SV2C: variants seen among roughly 807,000 people sequenced by gnomAD.
The protein encoded by SV2C is solute carrier family 22 member B3.
SV2C carries 49 observed loss-of-function variants against 79.7 expected under a neutral mutation model. The observed-to-expected ratio is 0.61, with a 90% CI of 0.49 to 0.78. The LOEUF is 0.78. SV2C is among the 30% of genes least tolerant of loss of function. SV2C has a pLI of 0.00. For missense variants in SV2C, 833 were observed against 912.9 expected (o/e 0.91, Z 1.13); for synonymous variants, 334 against 333.2 (o/e 1.00, Z -0.03).
At chr5:76,340,752 T>A (rs1038095676) in intron 12 of SV2C, among the ~76,000 whole-genome samples, 1 of 152,146 alleles carries the variant, frequency 6.6e-6, no homozygotes, top group African/African-American at 2.4e-5. Flanking sequence ...TTGCAAATTT[T>A]CTAGTTTTGC....
intron 12 of SV2C, among the ~76,000 whole-genome samples, chr5:76,324,420 A>G (rs958621907): frequency 6.6e-6 from 1 of 152,236 alleles, no homozygotes; most frequent in African/African-American, 2.4e-5. Flanking sequence ...TTTGCCTGGG[A>G]TAAGAGGAGG....
chr5:75,889,804 A>G, the SV2C span, among the ~76,000 whole-genome samples: 31 of 152,262 alleles, frequency 2.0e-4, no homozygotes, highest in Non-Finnish European at 3.1e-4. Flanking sequence ...CAAAGATTGT[A>G]AAACAGAAAA....
At position 76,150,405 on chromosome 5, in the gene SV2C, C is replaced by T. The variant is rs144210663; in HGVS notation, c.580+18075C>T. On this transcript the variant is annotated intron_variant, in intron 2 of 12. Coordinates refer to ENST00000502798, the MANE Select transcript of SV2C (RefSeq NM_014979.4). Reference sequence around the variant, plus strand: ...GTTGGCCAGGATGGTCTCAATCTCTCGACCTCATGATCCGCCCACCTTGGC... The same window carrying T: ...GTTGGCCAGGATGGTCTCAATCTCTTGACCTCATGATCCGCCCACCTTGGC... Among the ~76,000 whole-genome samples the T allele has an allele frequency of 4.0e-3, 605 of 151,328 alleles. 2 individuals carry two copies. Among genetic ancestry groups the T allele is most frequent in the African/African-American group, 0.012 (504 of 41,174 alleles).
chr5:76,044,372 C>T, the SV2C span, among the ~76,000 whole-genome samples: 3 of 152,152 alleles, frequency 2.0e-5, no homozygotes, highest in African/African-American at 4.8e-5. Context: ...AATGAACATA[C>T]ACGTGTATGT....
chr5:76,017,729 T>G, the SV2C span, among the ~76,000 whole-genome samples: 1 of 152,192 alleles, frequency 6.6e-6, no homozygotes, highest in Non-Finnish European at 1.5e-5. Flanking sequence ...CTTTTCCTGT[T>G]GGGGTGGATA....
the SV2C span, chr5:75,911,530 G>T: frequency 2.9e-6 from 2 of 679,704 alleles, no homozygotes; most frequent in South Asian, 3.5e-5. Context: ...GGTCTCCTTG[G>T]GGACTGAGAC....
At chr5:75,931,266 GTGAGCCATAGAGGGAAA>G in the SV2C span, among the ~76,000 whole-genome samples, 1 of 152,242 alleles carries the variant, frequency 6.6e-6, no homozygotes, top group African/African-American at 2.4e-5. Context: ...TTGAAGGGAT[GTGAGCCATAGAGGGAAA>G]TGCTCCGGAG....
chr5:75,895,813 G>A, the SV2C span, among the ~76,000 whole-genome samples: 280 of 152,154 alleles, frequency 1.8e-3, 2 homozygotes, highest in South Asian at 0.013. Flanking sequence ...CTTGACTCCC[G>A]GAGCATGTGG....
At position 76,342,886 on chromosome 5, in the gene SV2C, C is replaced by CTT. The variant is rs35379719; in HGVS notation, c.2001-10229_2001-10228dup. Among the ~76,000 whole-genome samples the CTT allele has an allele frequency of 8.2e-3, 1,142 of 138,824 alleles. 17 individuals carry two copies. Among genetic ancestry groups the CTT allele is most frequent in the African/African-American group, 0.029 (1,096 of 38,324 alleles). The allele number at this position is 138,824 out of a possible 152,430, so 91.1% of individuals were successfully genotyped here. ...TAGAACACATTGTCTCTCTCTCTCT[C>CTT]TTTTTTTTTTTTTTTTGATAGAGAT... On this transcript the variant is annotated intron_variant, in intron 12 of 12. Coordinates refer to the SV2C transcript ENST00000322285.
At chr5:76,165,529 CAATT>C (rs1283078869) in intron 2 of SV2C, among the ~76,000 whole-genome samples, 1 of 152,172 alleles carries the variant, frequency 6.6e-6, no homozygotes, top group Non-Finnish European at 1.5e-5. Flanking sequence ...CCCCTGGCAA[CAATT>C]AATCTGTTCT....
At chr5:76,196,434 C>A (rs1259447352) in intron 3 of SV2C, among the ~76,000 whole-genome samples, 1 of 152,200 alleles carries the variant, frequency 6.6e-6, no homozygotes, top group Non-Finnish European at 1.5e-5. Context: ...AGGGGAGCCC[C>A]TTGGTGCTCA....
At chr5:75,961,183 G>T in the SV2C span, among the ~76,000 whole-genome samples, 676 of 152,090 alleles carry the variant, frequency 4.4e-3, 7 homozygotes, top group African/African-American at 0.015. Context: ...TATGGTTTCT[G>T]TATGACTGGA....
At chr5:75,882,810 C>A in the SV2C span, among the ~76,000 whole-genome samples, 17 of 146,952 alleles carry the variant, frequency 1.2e-4, no homozygotes, top group Admixed American at 9.5e-4. Flanking sequence ...ACTCCAAAAG[C>A]AATGGCAACA....
At chr5:75,933,712 A>G in the SV2C span, among the ~76,000 whole-genome samples, 1 of 152,208 alleles carries the variant, frequency 6.6e-6, no homozygotes, top group Non-Finnish European at 1.5e-5. Flanking sequence ...AACTGCTGCC[A>G]TGCCTTCCTC....
the SV2C span, among the ~76,000 whole-genome samples, chr5:75,962,175 T>C: frequency 0.015 from 2,317 of 152,222 alleles, 49 homozygotes; most frequent in African/African-American, 0.053. Flanking sequence ...TATAAATTAT[T>C]CTGAGCCAAT....
chr5:76,150,032 A>G (rs1461905226), intron 2 of SV2C, among the ~76,000 whole-genome samples: 1 of 152,214 alleles, frequency 6.6e-6, no homozygotes, highest in Non-Finnish European at 1.5e-5. Context: ...CAACTGTGTC[A>G]AAGAACTGAT....
At chr5:76,174,235 G>C (rs1027900671) in intron 2 of SV2C, 4 of 1,572,992 alleles carry the variant, frequency 2.5e-6, no homozygotes, top group Middle Eastern at 1.7e-4. Context: ...CGCTGTCACC[G>C]GGTCTCTGCA....
chr5:75,958,582 T>C, the SV2C span, among the ~76,000 whole-genome samples: 1 of 152,030 alleles, frequency 6.6e-6, no homozygotes, highest in African/African-American at 2.4e-5. Flanking sequence ...TTTGGGAATG[T>C]AGAGCATTTC....
chr5:76,179,374 G>A (rs1307347550), intron 2 of SV2C, among the ~76,000 whole-genome samples: 2 of 152,168 alleles, frequency 1.3e-5, no homozygotes, highest in East Asian at 1.9e-4. Flanking sequence ...AATGGATTCA[G>A]CATTGTTTTT....
Sources: allele counts gnomAD v4.1 joint callset (sites outside exome capture counted in the v4.1 genomes callset), GRCh38; gene constraint gnomAD v4.1.1; transcripts MANE v1.5; gene names NCBI Gene and HGNC (gene_info 2026-07-23, HGNC 2026-07-21).